Variants in ATP6V1G2 observed in about 807,000 individuals in gnomAD.
ATP6V1G2 encodes the protein V-type proton ATPase subunit G 2.
Under a neutral mutation model 17.8 loss-of-function variants are expected in ATP6V1G2, and 14 were observed. The ratio of observed to expected loss-of-function variants is 0.79; its 90% CI spans 0.52 to 1.23. The LOEUF is 1.23. Ranked by LOEUF, ATP6V1G2 falls within the 50% of genes most tolerant of loss-of-function variation. ATP6V1G2 has a pLI of 0.00. For synonymous variants in ATP6V1G2, 57 were observed against 54.8 expected, an observed-to-expected ratio of 1.04 and a Z score of -0.17; for missense variants, 112 against 152.2, an observed-to-expected ratio of 0.74 and a Z score of 1.39.
Position 31,546,545 on chromosome 6 carries a change from G to C in ATP6V1G2, c.15C>G (p.Ser5=), listed in dbSNP as rs1417419247. MASQ[S]QGIQQLLQAE... is the part of the protein sequence containing the mutation. ...CTTGCAGAAGCTGCTGGATACCTTG[G>C]GACTGACTGGCCATTTCTGTTGTTA... The change falls in exon 1 of 3, where the codon TCC becomes TCG. Residue 5 remains serine, a synonymous_variant. Coordinates refer to ENST00000303892, the MANE Select transcript of ATP6V1G2 (RefSeq NM_130463.4). The surrounding 1 kb of genome is among the most constrained non-coding windows in gnomAD (Gnocchi z 4.1). 6.2e-7 allele frequency: 1 copy of C among 1,613,964 alleles called. No homozygotes were observed. Among genetic ancestry groups the C allele is most frequent in the Admixed American group, 1.7e-5 (1 of 60,010 alleles).
Position 31,544,698 on chromosome 6 carries a change from C to T in ATP6V1G2, c.*710G>A. 4.4e-6 allele frequency: 2 copies of T among 456,342 alleles called. No individual in the cohort carries two copies. The highest frequency in any genetic ancestry group is 8.8e-6 in the Non-Finnish European group (2 of 226,756). 28.3% of individuals were successfully genotyped at this position (456,342 alleles called of 1,614,324 possible). A position where few individuals can be genotyped will look rare whatever the true frequency, so the allele number is the denominator to read the frequency against. ...GAGGCTACAAAATGCAGTTATCTAC[C>T]TGGAATTATAAGAGAGGGGCTAAAT... On this transcript the variant is annotated 3_prime_UTR_variant, in exon 3 of 3. Transcript: ENST00000303892.
At position 31,545,844 on chromosome 6, in the gene ATP6V1G2, A is replaced by G. The variant is rs1768936370; in HGVS notation, c.184-263T>C. On this transcript the variant is annotated intron_variant, in intron 2 of 2. Transcript: ENST00000303892. This position sits in a 1 kb window ranked among gnomAD's most constrained non-coding sequence, Gnocchi z 4.9. Reference sequence around the variant, plus strand: ...CCATGACCATAAAACTCTACCCTCCACCACAAATGTTAATCATACTCCACA... The same window carrying G: ...CCATGACCATAAAACTCTACCCTCCGCCACAAATGTTAATCATACTCCACA... The G allele has an allele frequency of 3.3e-6, 2 of 610,772 alleles. No homozygotes were observed. The highest frequency in any genetic ancestry group is 5.8e-6 in the Non-Finnish European group (2 of 345,786). The allele number at this position is 610,772 out of a possible 1,614,324, so 37.8% of individuals were successfully genotyped here.
Position 31,545,513 on chromosome 6 carries a change from C to T in ATP6V1G2, c.252G>A (p.Met84Ile), listed in dbSNP as rs1403514922. The T allele has an allele frequency of 6.2e-7, 1 of 1,614,046 alleles. No homozygotes were observed. Reference sequence around the variant, plus strand: ...CTCGGTTTCTCTGCTGGGAGCTCTGCATGCCCTGCACCTGGCGCCTTGTAG... The same window carrying T: ...CTCGGTTTCTCTGCTGGGAGCTCTGTATGCCCTGCACCTGGCGCCTTGTAG... ...EQATRRQVQG[M>I]QSSQQRNRER... Residue 84 changes from methionine to isoleucine, a missense_variant, in exon 3 of 3, where the codon ATG (methionine) becomes ATA (isoleucine). Coordinates refer to ENST00000303892, the MANE Select transcript of ATP6V1G2 (RefSeq NM_130463.4). The surrounding 1 kb of genome is among the most constrained non-coding windows in gnomAD (Gnocchi z 4.9).
chr6:31,545,287 C>A lies in ATP6V1G2; in HGVS notation c.*121G>T. The A allele has an allele frequency of 8.3e-7, 1 of 1,204,626 alleles. No individual in the cohort carries two copies. Among genetic ancestry groups the A allele is most frequent in the South Asian group, 1.6e-5 (1 of 63,874 alleles). 74.6% of individuals were successfully genotyped at this position (1,204,626 alleles called of 1,614,324 possible). A position where few individuals can be genotyped will look rare whatever the true frequency, so the allele number is the denominator to read the frequency against. On this transcript the variant is annotated 3_prime_UTR_variant, in exon 3 of 3. Transcript: ENST00000303892. The surrounding 1 kb of genome is among the most constrained non-coding windows in gnomAD (Gnocchi z 4.9). ...AAGTGTCACAGGAAAATTATTGGATCCTGCCTCCCAGGATTTCTAGGGGAT... is the reference window on the plus strand; with the variant it reads ...AAGTGTCACAGGAAAATTATTGGATACTGCCTCCCAGGATTTCTAGGGGAT...
In ATP6V1G2 at chr6:31,546,593, T is replaced by C. The variant is rs1371016751; in HGVS notation, c.-34A>G. 3.1e-6 allele frequency: 5 copies of C among 1,597,290 alleles called. No individual in the cohort carries two copies. In the Admixed American group the frequency reaches 8.3e-5, roughly 27 times the overall value. On this transcript the variant is annotated 5_prime_UTR_variant, in exon 1 of 3. Transcript: ENST00000303892. This position sits in a 1 kb window ranked among gnomAD's most constrained non-coding sequence, Gnocchi z 4.1. ...TTATGGCCGATGCTGTTTTGAATGC[T>C]GTCAAAGTACCAGATGGCTCCCACC...
At chr6:31,546,620 C>A (rs1427224563), upstream of ATP6V1G2, 9 of 1,492,690 alleles carry the variant, frequency 6.0e-6, no homozygotes, top group Non-Finnish European at 7.4e-6. The surrounding 1 kb of genome is among the most constrained non-coding windows in gnomAD (Gnocchi z 4.1). Flanking sequence ...GCTCCCACCC[C>A]CCACCGCTTA....
At position 31,545,509 on chromosome 6, in the gene ATP6V1G2, T is replaced by G; in HGVS notation, c.256A>C (p.Ser86Arg). 6.2e-7 allele frequency: 1 copy of G among 1,613,994 alleles called. No homozygotes were observed. The highest frequency in any genetic ancestry group is 8.5e-7 in the Non-Finnish European group (1 of 1,180,000). Residue 86 changes from serine (S) to arginine (R), a missense_variant, in exon 3 of 3, where the codon AGC (serine) becomes CGC (arginine). Physicochemically the swap from Ser to Arg is moderately radical, Grantham distance 110 (BLOSUM62 -1). Transcript: ENST00000303892. This position sits in a 1 kb window ranked among gnomAD's most constrained non-coding sequence, Gnocchi z 4.9. Reference sequence around the variant, plus strand: ...CGCTCTCGGTTTCTCTGCTGGGAGCTCTGCATGCCCTGCACCTGGCGCCTT... The same window carrying G: ...CGCTCTCGGTTTCTCTGCTGGGAGCGCTGCATGCCCTGCACCTGGCGCCTT... ...ATRRQVQGMQSSQQRNRERVL... is the reference protein window; with the variant it reads ...ATRRQVQGMQRSQQRNRERVL...
Position 31,546,019 on chromosome 6 carries a change from A to G in ATP6V1G2, c.183+90T>C, listed in dbSNP as rs1346163692. The G allele has an allele frequency of 3.0e-6, 4 of 1,311,892 alleles. No homozygotes were observed. Among genetic ancestry groups the G allele is most frequent in the Non-Finnish European group, 4.4e-6 (4 of 905,952 alleles). 81.3% of individuals were successfully genotyped at this position (1,311,892 alleles called of 1,614,324 possible). ...CCCTCAGCCTCAGCCCTCTGCCACC[A>G]TATTTTCTTGTTGAGTCACCCTTAC... On this transcript the variant is annotated intron_variant, in intron 2 of 2. Transcript: ENST00000303892. This position sits in a 1 kb window ranked among gnomAD's most constrained non-coding sequence, Gnocchi z 4.1.
chr6:31,545,772 G>T lies in ATP6V1G2; in HGVS notation c.184-191C>A. The T allele has an allele frequency of 1.5e-6, 1 of 667,104 alleles. No homozygotes were observed. Among genetic ancestry groups the T allele is most frequent in the Non-Finnish European group, 2.5e-6 (1 of 397,756 alleles). The allele number at this position is 667,104 out of a possible 1,614,324, so 41.3% of individuals were successfully genotyped here. A position where few individuals can be genotyped will look rare whatever the true frequency, so the allele number is the denominator to read the frequency against. ...TCCCCTTTCCCCTTAGACCTAACAT[G>T]CAACTTCATCCTAAAACAGACCGTA... On this transcript the variant is annotated intron_variant, in intron 2 of 2. Transcript: ENST00000303892. This position sits in a 1 kb window ranked among gnomAD's most constrained non-coding sequence, Gnocchi z 4.9.
In ATP6V1G2 at chr6:31,546,080, G is replaced by A; in HGVS notation, c.183+29C>T. 6.2e-7 allele frequency: 1 copy of A among 1,609,726 alleles called. No homozygotes were observed. Among genetic ancestry groups the A allele is most frequent in the Middle Eastern group, 1.7e-4 (1 of 6,052 alleles). On this transcript the variant is annotated intron_variant, in intron 2 of 2. Coordinates refer to ENST00000303892, the MANE Select transcript of ATP6V1G2 (RefSeq NM_130463.4). The surrounding 1 kb of genome is among the most constrained non-coding windows in gnomAD (Gnocchi z 4.1). ...AGATGCACCCACCAACTTGCAGTGG[G>A]GTCTCAACCCGACTCTGCCTCAACT...
chr6:31,546,610 G>A (rs763342786), upstream of ATP6V1G2: 5 of 1,544,116 alleles, frequency 3.2e-6, no homozygotes, highest in East Asian at 1.1e-4. This position sits in a 1 kb window ranked among gnomAD's most constrained non-coding sequence, Gnocchi z 4.1. Context: ...GTACCAGATG[G>A]CTCCCACCCC....
At position 31,545,905 on chromosome 6, in the gene ATP6V1G2, C is replaced by T; in HGVS notation, c.183+204G>A. 1 of 624,244 alleles carries T rather than the reference C, an allele frequency of 1.6e-6. No individual in the cohort carries two copies. Among genetic ancestry groups the T allele is most frequent in the Admixed American group, 2.8e-5 (1 of 35,916 alleles). 38.7% of individuals were successfully genotyped at this position (624,244 alleles called of 1,614,324 possible). A position where few individuals can be genotyped will look rare whatever the true frequency, so the allele number is the denominator to read the frequency against. Reference sequence around the variant, plus strand: ...ACTTTACACAGACTGTGGCATTCCGCCCACAAGCTCTATGTGGCCTTCAAA... The same window carrying T: ...ACTTTACACAGACTGTGGCATTCCGTCCACAAGCTCTATGTGGCCTTCAAA... On this transcript the variant is annotated intron_variant, in intron 2 of 2. Coordinates refer to ENST00000303892, the MANE Select transcript of ATP6V1G2 (RefSeq NM_130463.4). This position sits in a 1 kb window ranked among gnomAD's most constrained non-coding sequence, Gnocchi z 4.9.
Position 31,546,562 on chromosome 6 carries a change from C to G in ATP6V1G2, c.-3G>C. The G allele has an allele frequency of 1.9e-6, 3 of 1,613,608 alleles. No individual in the cohort carries two copies. Among genetic ancestry groups the G allele is most frequent in the Non-Finnish European group, 2.5e-6 (3 of 1,179,816 alleles). On this transcript the variant is annotated 5_prime_UTR_variant, in exon 1 of 3. Transcript: ENST00000303892. The surrounding 1 kb of genome is among the most constrained non-coding windows in gnomAD (Gnocchi z 4.1). ...ATACCTTGGGACTGACTGGCCATTT[C>G]TGTTGTTATGGCCGATGCTGTTTTG...
chr6:31,545,634 A>G lies in ATP6V1G2; in HGVS notation c.184-53T>C. On this transcript the variant is annotated intron_variant, in intron 2 of 2. Transcript: ENST00000303892. The surrounding 1 kb of genome is among the most constrained non-coding windows in gnomAD (Gnocchi z 4.9). Reference sequence around the variant, plus strand: ...GAGAAAGGGAAAAGCAGAAACAGACAAGGGTCCAGGCATATGAGGGGAAAG... The same window carrying G: ...GAGAAAGGGAAAAGCAGAAACAGACGAGGGTCCAGGCATATGAGGGGAAAG... The G allele has an allele frequency of 6.3e-7, 1 of 1,580,814 alleles. No homozygotes were observed. The highest frequency in any genetic ancestry group is 1.1e-5 in the South Asian group (1 of 88,322).
At position 31,545,499 on chromosome 6, in the gene ATP6V1G2, T is replaced by C; in HGVS notation, c.266A>G (p.Gln89Arg). Residue 89 changes from glutamine (Q) to arginine (R), a missense_variant, in exon 3 of 3, where the codon CAG (glutamine) becomes CGG (arginine). By Grantham distance (43) the Gln-to-Arg change is conservative (BLOSUM62 1). Transcript: ENST00000303892. The surrounding 1 kb of genome is among the most constrained non-coding windows in gnomAD (Gnocchi z 4.9). Reference sequence around the variant, plus strand: ...GGCCAGGACACGCTCTCGGTTTCTCTGCTGGGAGCTCTGCATGCCCTGCAC... The same window carrying C: ...GGCCAGGACACGCTCTCGGTTTCTCCGCTGGGAGCTCTGCATGCCCTGCAC... ...RQVQGMQSSQ[Q>R]RNRERVLAQL... is the part of the protein sequence containing the mutation. 6.2e-7 allele frequency: 1 copy of C among 1,614,030 alleles called. No homozygotes were observed. Among genetic ancestry groups the C allele is most frequent in the Non-Finnish European group, 8.5e-7 (1 of 1,179,996 alleles).
rs139093782 is a variant in ATP6V1G2, at chr6:31,545,466, A to G, written c.299T>C (p.Leu100Pro). Reference protein sequence around the residue: ...RNRERVLAQLLGMVCDVRPQV... With the variant: ...RNRERVLAQLPGMVCDVRPQV... ...GGGCCTGACGTCGCAGACCATGCCA[A>G]GAAGCTGGGCCAGGACACGCTCTCG... is the stretch of plus-strand genomic sequence containing the variant. Residue 100 changes from leucine to proline, a missense_variant, in exon 3 of 3, where the codon CTT (leucine) becomes CCT (proline). By Grantham distance (98) the Leu-to-Pro change is moderately conservative. Transcript: ENST00000303892. This position sits in a 1 kb window ranked among gnomAD's most constrained non-coding sequence, Gnocchi z 4.9. 137 of 1,613,960 alleles carry G rather than the reference A, an allele frequency of 8.5e-5. No homozygotes were observed. The highest frequency in any genetic ancestry group is 1.1e-4 in the Non-Finnish European group (129 of 1,180,008).
chr6:31,544,707 T>C lies in ATP6V1G2; in HGVS notation c.*701A>G, dbSNP rs1445305923. ...AAATGCAGTTATCTACCTGGAATTA[T>C]AAGAGAGGGGCTAAATGTAGTCATC... On this transcript the variant is annotated 3_prime_UTR_variant, in exon 3 of 3. Coordinates refer to ENST00000303892, the MANE Select transcript of ATP6V1G2 (RefSeq NM_130463.4). The C allele has an allele frequency of 2.8e-5, 13 of 456,556 alleles. No homozygotes were observed. Among genetic ancestry groups the C allele is most frequent in the Non-Finnish European group, 5.3e-5 (12 of 226,948 alleles). 28.3% of individuals were successfully genotyped at this position (456,556 alleles called of 1,614,324 possible). A position where few individuals can be genotyped will look rare whatever the true frequency, so the allele number is the denominator to read the frequency against.
chr6:31,546,437 T>A lies in ATP6V1G2; in HGVS notation c.82+41A>T. On this transcript the variant is annotated intron_variant, in intron 1 of 2. Transcript: ENST00000303892. This position sits in a 1 kb window ranked among gnomAD's most constrained non-coding sequence, Gnocchi z 4.1. ...AATGTTTGCTGTCCCCCACCCCCAATTTTCTTTCCAAACTCCTAAGGGAGG... is the reference window on the plus strand; with the variant it reads ...AATGTTTGCTGTCCCCCACCCCCAAATTTCTTTCCAAACTCCTAAGGGAGG... The A allele has an allele frequency of 6.5e-7, 1 of 1,541,910 alleles. No individual in the cohort carries two copies. Among genetic ancestry groups the A allele is most frequent in the Non-Finnish European group, 8.9e-7 (1 of 1,120,344 alleles).
At position 31,546,424 on chromosome 6, in the gene ATP6V1G2, C is replaced by A; in HGVS notation, c.82+54G>T. The A allele has an allele frequency of 1.3e-6, 2 of 1,557,554 alleles. No homozygotes were observed. The highest frequency in any genetic ancestry group is 1.1e-5 in the South Asian group (1 of 88,624). On this transcript the variant is annotated intron_variant, in intron 1 of 2. Transcript: ENST00000303892. This position sits in a 1 kb window ranked among gnomAD's most constrained non-coding sequence, Gnocchi z 4.1. ...TGGGTTTTCCCAAAATGTTTGCTGTCCCCCACCCCCAATTTTCTTTCCAAA... is the reference window on the plus strand; with the variant it reads ...TGGGTTTTCCCAAAATGTTTGCTGTACCCCACCCCCAATTTTCTTTCCAAA...
Sources: gnomAD v4.1 joint callset for allele counts on GRCh38, gnomAD v4.1.1 for gene constraint, Gnocchi (gnomAD v3.1) non-coding constraint, MANE v1.5 for transcripts, NCBI Gene and HGNC (gene_info 2026-07-23, HGNC 2026-07-21) for gene names.